Variants in DENND1B observed in about 807,000 individuals in gnomAD.
The protein encoded by DENND1B is DENN domain containing 1B, also known as DENN domain-containing protein 1B.
DENND1B carries 59 observed loss-of-function variants against 90.1 expected under a neutral mutation model. That is an observed-to-expected ratio of 0.65 (90% CI 0.53 to 0.81). DENND1B has a LOEUF of 0.81. Among genes scored for constraint, DENND1B ranks in the 40% least tolerant of loss-of-function variants. The pLI is 0.00. For synonymous variants in DENND1B, 337 were observed against 324.6 expected, an observed-to-expected ratio of 1.04 and a Z score of -0.41; for missense variants, 862 against 912.6, an observed-to-expected ratio of 0.94 and a Z score of 0.71.
rs145946209 is a variant in DENND1B, at chr1:197,556,006, T to C, written c.1150-2894A>G. On this transcript the variant is annotated intron_variant, in intron 15 of 22. Transcript: ENST00000620048. Reference sequence around the variant, plus strand: ...AAGAAAATGTGGTACATATACACCATGGAATACTTTGCAGCCATAAAAAAG... The same window carrying C: ...AAGAAAATGTGGTACATATACACCACGGAATACTTTGCAGCCATAAAAAAG... Among the ~76,000 whole-genome samples the C allele has an allele frequency of 5.9e-3, 899 of 152,218 alleles. 13 individuals carry two copies. Among genetic ancestry groups the C allele is most frequent in the African/African-American group, 0.02 (841 of 41,552 alleles).
intron 10 of DENND1B, among the ~76,000 whole-genome samples, chr1:197,633,473 G>T (rs1055829474): frequency 1.3e-5 from 2 of 152,134 alleles, no homozygotes. Flanking sequence ...AATGCAAAAA[G>T]AGAGAACTTG....
chr1:197,617,796 G>C, intron 10 of DENND1B, 37 bp from the exon 11 acceptor site: 1 of 1,461,412 alleles, frequency 6.8e-7, no homozygotes, highest in Non-Finnish European at 9.6e-7. Flanking sequence ...ATAAGTAGCT[G>C]CTGACCTTCC....
chr1:197,521,957 C>T (rs933331028), intron 20 of DENND1B, among the ~76,000 whole-genome samples: 1 of 152,030 alleles, frequency 6.6e-6, no homozygotes, highest in African/African-American at 2.4e-5. Flanking sequence ...CAGAATGTGA[C>T]TCCAACCCAA....
intron 2 of DENND1B, chr1:197,747,116 C>T: frequency 3.9e-6 from 3 of 769,830 alleles, no homozygotes; most frequent in Non-Finnish European, 7.0e-6. Flanking sequence ...GATTCTTTTT[C>T]ATTCCTCAAT....
chr1:197,634,938 G>A (rs1679643296), intron 10 of DENND1B, among the ~76,000 whole-genome samples: 1 of 152,108 alleles, frequency 6.6e-6, no homozygotes, highest in Admixed American at 6.6e-5. Context: ...GCTGCAGTGG[G>A]CCCAGATCAC....
chr1:197,658,876 TA>T (rs1231428818), intron 5 of DENND1B, among the ~76,000 whole-genome samples: 1 of 150,934 alleles, frequency 6.6e-6, no homozygotes, highest in African/African-American at 2.4e-5. Context: ...CTAAAAATTA[TA>T]AAAAATTTTA....
At chr1:197,633,448 G>A (rs920606674) in intron 10 of DENND1B, among the ~76,000 whole-genome samples, 19 of 152,262 alleles carry the variant, frequency 1.2e-4, no homozygotes, top group African/African-American at 4.6e-4. Context: ...TGTCAGGAGA[G>A]GGTACTAAAG....
At chr1:197,765,781 C>T (rs746510943) in intron 2 of DENND1B, among the ~76,000 whole-genome samples, 8 of 152,042 alleles carry the variant, frequency 5.3e-5, no homozygotes, top group Non-Finnish European at 7.4e-5. Context: ...TAGATTAAAG[C>T]GGCAAAAATA....
At chr1:197,628,265 A>G (rs2125889447) in intron 10 of DENND1B, among the ~76,000 whole-genome samples, 1 of 152,310 alleles carries the variant, frequency 6.6e-6, no homozygotes, top group East Asian at 1.9e-4. Flanking sequence ...ATGCTACCTG[A>G]CTTCAAACTA....
intron 3 of DENND1B, among the ~76,000 whole-genome samples, chr1:197,695,303 T>C (rs1330009603): frequency 6.6e-6 from 1 of 150,962 alleles, no homozygotes; most frequent in Non-Finnish European, 1.5e-5. Context: ...AATATACCAA[T>C]AGTATATTGG....
intron 3 of DENND1B, 136 bp downstream of exon 3, chr1:197,714,895 T>C: frequency 1.4e-6 from 1 of 691,086 alleles, no homozygotes; most frequent in Admixed American, 2.6e-5. Flanking sequence ...TGCATTTTTG[T>C]CTCACAGTTG....
chr1:197,510,639 G>C lies in DENND1B; in HGVS notation c.2149C>G (p.Pro717Ala), dbSNP rs772425181. 6.2e-7 allele frequency: 1 copy of C among 1,612,762 alleles called. No homozygotes were observed. Among genetic ancestry groups the C allele is most frequent in the Non-Finnish European group, 8.5e-7 (1 of 1,179,236 alleles). The change falls in exon 23 of 23, where the codon CCC (proline) becomes GCC (alanine). Residue 717 changes from proline (P) to alanine (A), a missense_variant. By Grantham distance (27) the Pro-to-Ala change is conservative (BLOSUM62 -1). Transcript: ENST00000620048. ...LSQISDDLLI[P>A]GLGRHSSTFV... ...GTCGATGAATGCCGCCCAAGACCGG[G>C]TATAAGCAGATCATCTGAAATCTGG...
At chr1:197,654,430 T>A (rs1653585210) in intron 6 of DENND1B, among the ~76,000 whole-genome samples, 1 of 151,970 alleles carries the variant, frequency 6.6e-6, no homozygotes, top group South Asian at 2.1e-4. Flanking sequence ...GCCAATACAG[T>A]GAAACCGCGT....
At chr1:197,516,047 CA>C (rs1668374826) in intron 20 of DENND1B, among the ~76,000 whole-genome samples, 1 of 151,764 alleles carries the variant, frequency 6.6e-6, no homozygotes, top group African/African-American at 2.4e-5. Flanking sequence ...TTCACAGATA[CA>C]TTTACATTTT....
chr1:197,589,584 A>C (rs1675006710), intron 14 of DENND1B, among the ~76,000 whole-genome samples: 1 of 152,190 alleles, frequency 6.6e-6, no homozygotes, highest in African/African-American at 2.4e-5. Context: ...GTTAAGACAA[A>C]GATTTAGTGA....
chr1:197,683,369 G>A (rs960992461), intron 3 of DENND1B, among the ~76,000 whole-genome samples: 2 of 152,124 alleles, frequency 1.3e-5, no homozygotes, highest in African/African-American at 4.8e-5. Flanking sequence ...GATCACTCTG[G>A]CTATAGTGTG....
intron 2 of DENND1B, among the ~76,000 whole-genome samples, chr1:197,751,870 AAGGAGGAGGAGGAGGAGGG>A (rs1283653513): frequency 2.1e-5 from 3 of 141,722 alleles, no homozygotes; most frequent in East Asian, 2.3e-4. Flanking sequence ...GCAGGGGAAG[AAGGAGGAGGAGGAGGAGGG>A]AGGAGGAGGA....
intron 20 of DENND1B, among the ~76,000 whole-genome samples, chr1:197,537,596 G>A (rs1670007596): frequency 6.6e-6 from 1 of 151,962 alleles, no homozygotes; most frequent in Admixed American, 6.6e-5. Context: ...GATAATAGAT[G>A]TGTTAATTTG....
chr1:197,548,300 A>C (rs970998857), intron 16 of DENND1B, among the ~76,000 whole-genome samples: 1 of 152,166 alleles, frequency 6.6e-6, no homozygotes, highest in Non-Finnish European at 1.5e-5. Flanking sequence ...GTTCAATGAG[A>C]AGGAAGTGGG....
Sources: allele counts gnomAD v4.1 joint callset (sites outside exome capture counted in the v4.1 genomes callset), GRCh38; gene constraint gnomAD v4.1.1; transcripts MANE v1.5; gene names NCBI Gene and HGNC (gene_info 2026-07-23, HGNC 2026-07-21).